The following SPATA13 variants were observed in gnomAD, a reference collection of about 807,000 sequenced individuals.
The protein encoded by SPATA13 is spermatogenesis-associated protein 13.
SPATA13 carries 50 observed loss-of-function variants against 104.0 expected under a neutral mutation model. That is an observed-to-expected ratio of 0.48 (90% CI 0.38 to 0.61). The LOEUF (loss-of-function observed/expected upper bound fraction) is 0.61. SPATA13 is among the 20% of genes least tolerant of loss of function. The pLI is 0.00. For synonymous variants in SPATA13, 606 were observed against 667.5 expected (o/e 0.91, Z 1.42); for missense variants, 1,524 against 1,690.6 (o/e 0.90, Z 1.73).
chr13:24,273,659 C>T (rs1311990995), intron 4 of SPATA13, among the ~76,000 whole-genome samples: 1 of 152,060 alleles, frequency 6.6e-6, no homozygotes, highest in African/African-American at 2.4e-5. Flanking sequence ...TATAAAGGGA[C>T]AGATATAAAC....
intron 3 of SPATA13, among the ~76,000 whole-genome samples, chr13:24,073,816 G>T (rs1879242248): frequency 6.6e-6 from 1 of 152,316 alleles, no homozygotes; most frequent in Admixed American, 6.5e-5. Context: ...GTGGGAGGGA[G>T]AAATAGTCTG....
chr13:24,211,015 A>G (rs745700948), intron 1 of SPATA13, among the ~76,000 whole-genome samples: 1 of 152,094 alleles, frequency 6.6e-6, no homozygotes, highest in South Asian at 2.1e-4. Flanking sequence ...TGCAAATTTG[A>G]TTGTTTTCTT....
chr13:24,094,818 A>G (rs924848286), intron 3 of SPATA13, among the ~76,000 whole-genome samples: 3 of 152,200 alleles, frequency 2.0e-5, no homozygotes, highest in Non-Finnish European at 2.9e-5. Flanking sequence ...TAAAATCTAC[A>G]TTGGTGACAG....
At chr13:24,167,452 A>C (rs1312550934) in intron 1 of SPATA13, among the ~76,000 whole-genome samples, 1 of 152,230 alleles carries the variant, frequency 6.6e-6, no homozygotes, top group Non-Finnish European at 1.5e-5. Context: ...TGATGCTGCC[A>C]ACAGAGAACA....
chr13:24,108,195 C>G (rs1880517095), intron 3 of SPATA13, among the ~76,000 whole-genome samples: 1 of 152,226 alleles, frequency 6.6e-6, no homozygotes, highest in Admixed American at 6.5e-5. Context: ...TCCATGAGAG[C>G]TCCACCCTCG....
At chr13:24,145,256 C>T (rs943413192) in intron 3 of SPATA13, among the ~76,000 whole-genome samples, 2 of 152,134 alleles carry the variant, frequency 1.3e-5, no homozygotes, top group Non-Finnish European at 2.9e-5. Flanking sequence ...CCACAAAATA[C>T]TAAGTAGACA....
intron 1 of SPATA13, among the ~76,000 whole-genome samples, chr13:24,189,495 GTGTA>G (rs758782553): frequency 0.17 from 2,775 of 16,288 alleles, 104 homozygotes; most frequent in African/African-American, 0.19. Context: ...ATATATATAC[GTGTA>G]TATATATATA....
chr13:24,074,230 G>T (rs895489926), intron 3 of SPATA13, among the ~76,000 whole-genome samples: 4 of 152,126 alleles, frequency 2.6e-5, no homozygotes. Context: ...CTATGAATTT[G>T]CCTACTCTAG....
Position 24,286,179 on chromosome 13 carries a change from C to T in SPATA13, c.2302-35C>T. 6.4e-7 allele frequency: 1 copy of T among 1,572,344 alleles called. No individual in the cohort carries two copies. Among genetic ancestry groups the T allele is most frequent in the South Asian group, 1.2e-5 (1 of 85,328 alleles). On this transcript the variant is annotated intron_variant, in intron 5 of 12. Coordinates refer to ENST00000382108, the MANE Select transcript of SPATA13 (RefSeq NM_001166271.3). The surrounding 1 kb of genome is among the most constrained non-coding windows in gnomAD (Gnocchi z 4.9). ...TCCCTCACCATCCCGCCCACTCGTG[C>T]TCTATGCTGAGCGCACCCCACTGTC...
At chr13:24,040,402 T>C (rs1483427808) in intron 3 of SPATA13, among the ~76,000 whole-genome samples, 1 of 152,178 alleles carries the variant, frequency 6.6e-6, no homozygotes, top group Non-Finnish European at 1.5e-5. Context: ...TATATGTTTT[T>C]AAGAGCATGA....
chr13:24,012,909 C>T (rs1876540824), intron 2 of SPATA13, among the ~76,000 whole-genome samples: 1 of 152,204 alleles, frequency 6.6e-6, no homozygotes, highest in South Asian at 2.1e-4. Context: ...CACTCCCCAG[C>T]TGTGGCTGGG....
intron 3 of SPATA13, among the ~76,000 whole-genome samples, chr13:24,032,573 G>C (rs1207601782): frequency 6.6e-6 from 1 of 152,186 alleles, no homozygotes; most frequent in Non-Finnish European, 1.5e-5. Context: ...CTGACTGCAA[G>C]GAAAGGTTCC....
intron 3 of SPATA13, among the ~76,000 whole-genome samples, chr13:24,120,336 G>A (rs1182402536): frequency 2.0e-5 from 3 of 152,240 alleles, no homozygotes; most frequent in African/African-American, 7.2e-5. Flanking sequence ...TGGGCAAGTC[G>A]CCTGGGTCAC....
At chr13:24,110,998 C>G (rs1880621233) in intron 3 of SPATA13, among the ~76,000 whole-genome samples, 1 of 152,110 alleles carries the variant, frequency 6.6e-6, no homozygotes, top group South Asian at 2.1e-4. Flanking sequence ...GCCTCGAACT[C>G]CTGAACTCCA....
Position 24,304,489 on chromosome 13 carries a change from A to G in SPATA13, c.*1716A>G, listed in dbSNP as rs1355390886. The G allele has an allele frequency of 6.6e-6, 1 of 151,868 alleles. No homozygotes were observed. Among genetic ancestry groups the G allele is most frequent in the Non-Finnish European group, 1.5e-5 (1 of 67,980 alleles). 9.4% of individuals were successfully genotyped at this position (151,868 alleles called of 1,614,324 possible). ...TTTTTTTCTAACAGGCCCATGTTTGAGAATAAACAAGTCTGTGATGTCAGA... is the reference window on the plus strand; with the variant it reads ...TTTTTTTCTAACAGGCCCATGTTTGGGAATAAACAAGTCTGTGATGTCAGA... On this transcript the variant is annotated 3_prime_UTR_variant, in exon 13 of 13. Coordinates refer to ENST00000382108, the MANE Select transcript of SPATA13 (RefSeq NM_001166271.3).
At chr13:24,006,687 AGAGCT>A (rs1207541194) in intron 2 of SPATA13, among the ~76,000 whole-genome samples, 3 of 152,172 alleles carry the variant, frequency 2.0e-5, no homozygotes, top group African/African-American at 7.2e-5. Flanking sequence ...TCCCATTTTA[AGAGCT>A]GGGGAGCTGA....
upstream of SPATA13, among the ~76,000 whole-genome samples, chr13:24,159,179 G>A (rs553459074): frequency 1.3e-5 from 2 of 152,018 alleles, no homozygotes; most frequent in South Asian, 2.1e-4. Flanking sequence ...GCATTTGTGA[G>A]TGCTTTGTGC....
At position 24,294,827 on chromosome 13, in the gene SPATA13, G is replaced by A. The variant is rs752240893; in HGVS notation, c.3169G>A (p.Asp1057Asn). 33 of 1,611,242 alleles carry A rather than the reference G, an allele frequency of 2.0e-5. No homozygotes were observed. Among genetic ancestry groups the A allele is most frequent in the Admixed American group, 8.3e-5 (5 of 59,980 alleles). Reference sequence around the variant, plus strand: ...GCGCAAGCGCAAGCTGGAGAGCATCGACAAGATAGCTCGCTGGCAGGTGTC... The same window carrying A: ...GCGCAAGCGCAAGCTGGAGAGCATCAACAAGATAGCTCGCTGGCAGGTGTC... The part of the protein sequence containing the change: ...NERKRKLESI[D>N]KIARWQVSIV... The change falls in exon 10 of 13, where the codon GAC becomes AAC. Residue 1057 changes from aspartate to asparagine, a missense_variant. This residue lies in a region of SPATA13 where 435 missense variants were observed against 554.8 expected (regional missense o/e 0.78). Transcript: ENST00000382108.
At chr13:24,043,022 G>C (rs1338295145) in intron 3 of SPATA13, among the ~76,000 whole-genome samples, 1 of 152,200 alleles carries the variant, frequency 6.6e-6, no homozygotes, top group Non-Finnish European at 1.5e-5. Context: ...AGTGAATAAT[G>C]CCAGTATTGG....
Sources: gnomAD v4.1 joint callset for allele counts (sites outside exome capture counted in the v4.1 genomes callset) on GRCh38, gnomAD v4.1.1 for gene constraint, gnomAD v4.1.1 regional missense constraint, Gnocchi (gnomAD v3.1) non-coding constraint, MANE v1.5 for transcripts, NCBI Gene and HGNC (gene_info 2026-07-23, HGNC 2026-07-21) for gene names.